The following PHF14 variants were observed in gnomAD, a reference collection of about 807,000 sequenced individuals.
The protein encoded by PHF14 is PHD finger protein 14.
Under a neutral mutation model 117.9 loss-of-function variants are expected in PHF14, and 55 were observed. The ratio of observed to expected loss-of-function variants is 0.47; its 90% confidence interval spans 0.38 to 0.58. PHF14 has a LOEUF of 0.58. PHF14 is among the 20% of genes least tolerant of loss of function. The pLI is 0.00. For synonymous variants in PHF14, 409 were observed against 368.6 expected (o/e 1.11, Z -1.26); for missense variants, 978 against 1,122.2 (o/e 0.87, Z 1.84).
At chr7:11,086,138 C>A (rs1029302242) in intron 16 of PHF14, among the ~76,000 whole-genome samples, 6 of 152,196 alleles carry the variant, frequency 3.9e-5, no homozygotes, top group Middle Eastern at 3.2e-3. Flanking sequence ...ATAACCATCA[C>A]CTTCTCTAGT....
chr7:11,117,943 T>G (rs1787646733), intron 17 of PHF14, among the ~76,000 whole-genome samples: 1 of 151,844 alleles, frequency 6.6e-6, no homozygotes, highest in South Asian at 2.1e-4. Context: ...TAGATTGAAT[T>G]TTAAGTTTCT....
intron 17 of PHF14, among the ~76,000 whole-genome samples, chr7:11,112,011 C>A (rs1191930573): frequency 6.6e-6 from 1 of 151,518 alleles, no homozygotes; most frequent in Non-Finnish European, 1.5e-5. Context: ...ATAGATTATA[C>A]CCCCAAATCA....
intron 16 of PHF14, among the ~76,000 whole-genome samples, chr7:11,094,267 G>T (rs1245156571): frequency 6.6e-6 from 1 of 152,042 alleles, no homozygotes; most frequent in Non-Finnish European, 1.5e-5. Flanking sequence ...TCATAATTTT[G>T]GAAGACATAA....
intron 17 of PHF14, among the ~76,000 whole-genome samples, chr7:11,160,280 A>G (rs1450071224): frequency 1.3e-5 from 2 of 152,172 alleles, no homozygotes; most frequent in Non-Finnish European, 2.9e-5. Context: ...GTATATATGT[A>G]CATTTTCTTT....
intron 14 of PHF14, among the ~76,000 whole-genome samples, chr7:11,056,294 A>G (rs10242279): frequency 0.033 from 4,993 of 152,246 alleles, 181 homozygotes; most frequent in African/African-American, 0.086. Context: ...TGGAGCTTTC[A>G]AGACTTTCCT....
At chr7:11,107,321 A>G (rs932964618) in intron 16 of PHF14, 1 of 945,658 alleles carries the variant, frequency 1.1e-6, no homozygotes, top group African/African-American at 1.8e-5. Context: ...TTAATCATAT[A>G]CTAAGTAAGT....
chr7:11,093,692 T>G (rs2128339427), intron 16 of PHF14, among the ~76,000 whole-genome samples: 1 of 152,336 alleles, frequency 6.6e-6, no homozygotes, highest in East Asian at 1.9e-4. Flanking sequence ...GAGTTCTTAA[T>G]TTTCCTCATT....
chr7:11,054,691 C>A (rs564213318), intron 14 of PHF14, among the ~76,000 whole-genome samples: 1 of 152,242 alleles, frequency 6.6e-6, no homozygotes, highest in South Asian at 2.1e-4. Context: ...AGCTTACTAA[C>A]TTGTATAAAT....
chr7:11,154,888 T>G (rs1354249896), intron 17 of PHF14, among the ~76,000 whole-genome samples: 3 of 152,128 alleles, frequency 2.0e-5, no homozygotes, highest in Non-Finnish European at 4.4e-5. Context: ...TACCAACAGT[T>G]GAAATTGCAA....
At chr7:10,978,094 A>G (rs950755524) in intron 2 of PHF14, among the ~76,000 whole-genome samples, 5 of 152,206 alleles carry the variant, frequency 3.3e-5, no homozygotes, top group African/African-American at 9.6e-5. Flanking sequence ...TAGTTAGGCC[A>G]TATTGCCAGG....
chr7:11,019,629 C>A (rs953097135), intron 5 of PHF14, among the ~76,000 whole-genome samples: 1 of 152,070 alleles, frequency 6.6e-6, no homozygotes, highest in Non-Finnish European at 1.5e-5. Flanking sequence ...TATCTTCTCT[C>A]TTTTTTCCTC....
chr7:10,997,816 G>A (rs546139890), intron 4 of PHF14, among the ~76,000 whole-genome samples: 27 of 152,252 alleles, frequency 1.8e-4, no homozygotes, highest in Admixed American at 5.2e-4. Context: ...AGAAAGAGAC[G>A]GAAGCAGTTG....
At chr7:10,978,582 G>T (rs1781945943) in intron 2 of PHF14, among the ~76,000 whole-genome samples, 1 of 152,188 alleles carries the variant, frequency 6.6e-6, no homozygotes, top group African/African-American at 2.4e-5. Context: ...AATTGTGGCT[G>T]TATATACGAG....
intron 17 of PHF14, among the ~76,000 whole-genome samples, chr7:11,116,058 C>A (rs771853843): frequency 6.6e-6 from 1 of 151,948 alleles, no homozygotes; most frequent in Admixed American, 6.6e-5. Flanking sequence ...TAAAAATATC[C>A]TATTCCTCAT....
intron 17 of PHF14, among the ~76,000 whole-genome samples, chr7:11,116,539 AC>A (rs1489921971): frequency 6.6e-6 from 1 of 151,946 alleles, no homozygotes; most frequent in African/African-American, 2.4e-5. Flanking sequence ...CTGACAGAAA[AC>A]TGGCTCCCAT....
intron 10 of PHF14, among the ~76,000 whole-genome samples, chr7:11,038,266 A>G (rs1784375684): frequency 6.6e-6 from 1 of 152,032 alleles, no homozygotes; most frequent in Non-Finnish European, 1.5e-5. Flanking sequence ...CCCCGTCTCT[A>G]CTAAAAATAC....
chr7:11,038,747 G>A lies in PHF14; in HGVS notation c.1981-13G>A, dbSNP rs2128323042. 7 of 1,263,336 alleles carry A rather than the reference G, an allele frequency of 5.5e-6. No individual in the cohort carries two copies. Among genetic ancestry groups the A allele is most frequent in the African/African-American group, 1.5e-5 (1 of 67,140 alleles). 78.3% of individuals were successfully genotyped at this position (1,263,336 alleles called of 1,614,324 possible). On this transcript the variant is annotated splice_polypyrimidine_tract_variant and intron_variant, in intron 10 of 17. Transcript: ENST00000634607. ...TATTTTAATGAAGTTTACTAATTTGGCTTACTTTGTAGCTATGTGAATCTT... is the reference window on the plus strand; with the variant it reads ...TATTTTAATGAAGTTTACTAATTTGACTTACTTTGTAGCTATGTGAATCTT...
intron 16 of PHF14, among the ~76,000 whole-genome samples, chr7:11,098,971 A>G (rs1021438411): frequency 6.6e-6 from 1 of 152,206 alleles, no homozygotes; most frequent in Admixed American, 6.5e-5. Flanking sequence ...TTAGAAAATT[A>G]AGTAAATTTT....
chr7:11,158,360 G>T (rs866325840), intron 17 of PHF14, among the ~76,000 whole-genome samples: 1 of 152,100 alleles, frequency 6.6e-6, no homozygotes, highest in African/African-American at 2.4e-5. Flanking sequence ...GATTGAGTTT[G>T]TGCCTTAATG....
Sources: gnomAD v4.1 joint callset for allele counts (sites outside exome capture counted in the v4.1 genomes callset) on GRCh38, gnomAD v4.1.1 for gene constraint, MANE v1.5 for transcripts, NCBI Gene and HGNC (gene_info 2026-07-23, HGNC 2026-07-21) for gene names.